MYO16: variants seen among roughly 807,000 people sequenced by gnomAD.
MYO16 encodes unconventional myosin-XVI.
MYO16 carries 94 observed loss-of-function variants against 205.3 expected under a neutral mutation model. The observed-to-expected ratio is 0.46, with a 90% CI of 0.39 to 0.54. The LOEUF (loss-of-function observed/expected upper bound fraction) is 0.54, where lower values mean the gene tolerates loss of function less well. Among genes scored for constraint, MYO16 ranks in the 20% least tolerant of loss-of-function variants. The probability of loss-of-function intolerance (pLI) is 0.00; values close to 1 mark genes in which losing one functional copy is unlikely to be tolerated. For missense variants in MYO16, 2,315 were observed against 2,387.5 expected, an observed-to-expected ratio of 0.97 and a Z score of 0.63; for synonymous variants, 988 against 954.0, an observed-to-expected ratio of 1.04 and a Z score of -0.66.
intron 27 of MYO16, among the ~76,000 whole-genome samples, chr13:109,073,413 T>G (rs1284271415): frequency 9.7e-6 from 1 of 102,992 alleles, no homozygotes; most frequent in African/African-American, 3.9e-5. Flanking sequence ...ACACGGCCTG[T>G]GGAATATCTT....
intron 14 of MYO16, among the ~76,000 whole-genome samples, chr13:108,888,886 C>G (rs1880031923): frequency 6.6e-6 from 1 of 151,994 alleles, no homozygotes; most frequent in Non-Finnish European, 1.5e-5. Context: ...GAAACCTCGT[C>G]TCTACTAAAA....
In MYO16 at chr13:109,179,575, C is replaced by G; in HGVS notation, c.5357C>G (p.Ser1786Cys). The G allele has an allele frequency of 1.2e-6, 2 of 1,613,990 alleles. No homozygotes were observed. Among genetic ancestry groups the G allele is most frequent in the South Asian group, 1.1e-5 (1 of 91,076 alleles). The change falls in exon 34 of 35, where the codon TCT becomes TGT. Residue 1786 changes from serine to cysteine, a missense_variant. This residue lies in a region of MYO16 where 1,097 missense variants were observed against 1,092.0 expected (regional missense o/e 1.00). Coordinates refer to ENST00000457511, the MANE Select transcript of MYO16 (RefSeq NM_001198950.3). ...LPEEDGYSRL[S>C]ISGTGTSTFQ... ...GAAGAAGATGGATACTCACGGTTGTCTATAAGTGGCACAGGGACTTCGACA... is the reference window on the plus strand; with the variant it reads ...GAAGAAGATGGATACTCACGGTTGTGTATAAGTGGCACAGGGACTTCGACA...
At chr13:108,588,730 C>T in the MYO16 span, among the ~76,000 whole-genome samples, 12 of 152,032 alleles carry the variant, frequency 7.9e-5, no homozygotes, top group Admixed American at 2.6e-4. Flanking sequence ...ATTGCCAAGG[C>T]GTGACATACA....
intron 22 of MYO16, among the ~76,000 whole-genome samples, chr13:109,010,534 T>C (rs1885557219): frequency 6.6e-6 from 1 of 152,170 alleles, no homozygotes; most frequent in Non-Finnish European, 1.5e-5. Flanking sequence ...TCCTTTATAC[T>C]GATTTGGGGC....
In MYO16 at chr13:109,141,368, A is replaced by C. The variant is rs745990760; in HGVS notation, c.5156A>C (p.Glu1719Ala). The C allele has an allele frequency of 4.6e-6, 7 of 1,529,926 alleles. No homozygotes were observed. In the South Asian group the frequency reaches 7.6e-5, roughly 17 times the overall value. 94.8% of individuals were successfully genotyped at this position (1,529,926 alleles called of 1,614,324 possible). The change falls in exon 32 of 35, where the codon GAA becomes GCA. Residue 1719 changes from glutamate (E) to alanine (A), a missense_variant. Physicochemically the swap from Glu to Ala is moderately radical, Grantham distance 107. This residue lies in a region of MYO16 where 1,097 missense variants were observed against 1,092.0 expected (regional missense o/e 1.00). Coordinates refer to ENST00000457511, the MANE Select transcript of MYO16 (RefSeq NM_001198950.3). The surrounding 1 kb of genome is among the most constrained non-coding windows in gnomAD (Gnocchi z 4.1). Reference protein sequence around the residue: ...RKSAAGRKIREAEGFETNMNI... With the variant: ...RKSAAGRKIRAAEGFETNMNI... Reference sequence around the variant, plus strand: ...TCCGCGGCGGGAAGAAAAATCAGGGAAGCAGAAGGTAAGCGGAGCAGACAT... The same window carrying C: ...TCCGCGGCGGGAAGAAAAATCAGGGCAGCAGAAGGTAAGCGGAGCAGACAT...
intron 27 of MYO16, among the ~76,000 whole-genome samples, chr13:109,085,339 T>C (rs753507309): frequency 1.3e-5 from 2 of 152,188 alleles, no homozygotes; most frequent in Non-Finnish European, 2.9e-5. Context: ...GAAAACTTCA[T>C]TGAGCTGAAG....
chr13:108,931,428 T>G (rs1882249292), intron 16 of MYO16, among the ~76,000 whole-genome samples: 1 of 152,214 alleles, frequency 6.6e-6, no homozygotes, highest in South Asian at 2.1e-4. Context: ...AACATTCTCA[T>G]TCTGAAAACT....
At chr13:108,694,370 A>T (rs1883009813) in intron 2 of MYO16, among the ~76,000 whole-genome samples, 1 of 152,234 alleles carries the variant, frequency 6.6e-6, no homozygotes, top group South Asian at 2.1e-4. Flanking sequence ...TGTTTTCTAC[A>T]GTGGCGAAAC....
intron 31 of MYO16, among the ~76,000 whole-genome samples, chr13:109,133,503 A>G (rs1876635310): frequency 6.6e-6 from 1 of 152,246 alleles, no homozygotes; most frequent in East Asian, 1.9e-4. Flanking sequence ...AATACTTTGT[A>G]GGAGAAAATG....
intron 2 of MYO16, among the ~76,000 whole-genome samples, chr13:108,675,422 A>G (rs558476272): frequency 6.6e-6 from 1 of 152,336 alleles, no homozygotes; most frequent in African/African-American, 2.4e-5. Context: ...AATTAATTGC[A>G]TTTAAATTCT....
At chr13:108,554,276 C>A in the MYO16 span, among the ~76,000 whole-genome samples, 1 of 151,818 alleles carries the variant, frequency 6.6e-6, no homozygotes, top group Non-Finnish European at 1.5e-5. Flanking sequence ...TTCCCTGGGT[C>A]TTTTTCTTGT....
intron 4 of MYO16, among the ~76,000 whole-genome samples, chr13:108,739,228 C>A (rs891892890): frequency 2.1e-4 from 32 of 152,166 alleles, no homozygotes; most frequent in Non-Finnish European, 4.1e-4. Context: ...TTCTTCCTAG[C>A]ATCGATGGTC....
intron 4 of MYO16, among the ~76,000 whole-genome samples, chr13:108,752,833 T>TTTTTC (rs1566587272): frequency 7.1e-6 from 1 of 139,872 alleles, no homozygotes; most frequent in Non-Finnish European, 1.5e-5. Context: ...TTTTTTTTTT[T>TTTTTC]AGTAGAGACA....
intron 29 of MYO16, among the ~76,000 whole-genome samples, chr13:109,121,866 A>G (rs1050807792): frequency 1.3e-5 from 2 of 152,202 alleles, no homozygotes; most frequent in Non-Finnish European, 2.9e-5. Flanking sequence ...TCATCTTTCT[A>G]GTGTGTGATG....
At chr13:108,874,733 ATT>A (rs1566383240) in intron 12 of MYO16, among the ~76,000 whole-genome samples, 10 of 146,896 alleles carry the variant, frequency 6.8e-5, no homozygotes, top group Non-Finnish European at 1.2e-4. Flanking sequence ...TATTATTATT[ATT>A]ATATGTGATC....
intron 7 of MYO16, 47 bp downstream of exon 7, chr13:108,806,851 A>G: frequency 3.1e-6 from 4 of 1,284,820 alleles, no homozygotes; most frequent in Non-Finnish European, 4.1e-6. Context: ...TATATAATTA[A>G]TGAATAATTT....
At chr13:108,707,098 G>C (rs1038312078) in intron 2 of MYO16, among the ~76,000 whole-genome samples, 1 of 152,120 alleles carries the variant, frequency 6.6e-6, no homozygotes, top group Non-Finnish European at 1.5e-5. Flanking sequence ...AATCACATAA[G>C]GTGTGATTGA....
At chr13:109,053,260 G>A (rs1404774868) in intron 25 of MYO16, among the ~76,000 whole-genome samples, 6 of 152,014 alleles carry the variant, frequency 3.9e-5, no homozygotes, top group Non-Finnish European at 7.4e-5. Context: ...TAAAATAAAA[G>A]CATAATTAAA....
At chr13:109,011,535 G>C (rs1306320467) in intron 22 of MYO16, among the ~76,000 whole-genome samples, 2 of 119,174 alleles carry the variant, frequency 1.7e-5, no homozygotes, top group Non-Finnish European at 3.5e-5. Flanking sequence ...GTTTGTTTGA[G>C]ACAGAGTCTC....
Sources: gnomAD v4.1 joint callset for allele counts (sites outside exome capture counted in the v4.1 genomes callset) on GRCh38, gnomAD v4.1.1 for gene constraint, gnomAD v4.1.1 regional missense constraint, Gnocchi (gnomAD v3.1) non-coding constraint, MANE v1.5 for transcripts, NCBI Gene and HGNC (gene_info 2026-07-23, HGNC 2026-07-21) for gene names.